The following NAV2 variants were observed in gnomAD, a reference collection of about 807,000 sequenced individuals.
NAV2 encodes the protein neuron navigator 2.
Under a neutral mutation model 223.2 loss-of-function variants are expected in NAV2, and 54 were observed. The ratio of observed to expected loss-of-function variants is 0.24; its 90% confidence interval spans 0.19 to 0.30. NAV2 has a LOEUF of 0.30. NAV2 is among the 10% of genes least tolerant of loss of function. The pLI is 1.00. For synonymous variants in NAV2, 1,279 were observed against 1,239.3 expected (o/e 1.03, Z -0.67); for missense variants, 2,806 against 3,147.5 (o/e 0.89, Z 2.60).
At chr11:19,907,150 G>A (rs564239292) in intron 6 of NAV2, among the ~76,000 whole-genome samples, 3 of 152,262 alleles carry the variant, frequency 2.0e-5, no homozygotes, top group Admixed American at 6.5e-5. Context: ...TGTATATAAG[G>A]TTTGTTGAAT....
intron 3 of NAV2, among the ~76,000 whole-genome samples, chr11:19,862,697 C>G (rs1642479363): frequency 6.6e-6 from 1 of 152,178 alleles, no homozygotes; most frequent in Admixed American, 6.5e-5. Flanking sequence ...CTGTGCATCT[C>G]CAGGACCACA....
intron 26 of NAV2, among the ~76,000 whole-genome samples, chr11:20,087,745 G>C (rs1446507394): frequency 6.6e-6 from 1 of 152,152 alleles, no homozygotes; most frequent in African/African-American, 2.4e-5. Flanking sequence ...ACAGGCTCTA[G>C]AGCTGAGCAG....
chr11:19,876,982 TAAA>T (rs1362331025), intron 4 of NAV2, among the ~76,000 whole-genome samples: 1 of 148,936 alleles, frequency 6.7e-6, no homozygotes, highest in Non-Finnish European at 1.5e-5. Flanking sequence ...TTTATTTAAA[TAAA>T]GAATACTCAA....
chr11:19,474,862 A>C (rs1056444535), intron 1 of NAV2, among the ~76,000 whole-genome samples: 1 of 152,198 alleles, frequency 6.6e-6, no homozygotes, highest in Non-Finnish European at 1.5e-5. Context: ...TCTACACCTC[A>C]GTTTCCCCAT....
intron 19 of NAV2, among the ~76,000 whole-genome samples, chr11:20,061,960 G>A (rs116702780): frequency 2.6e-5 from 4 of 152,158 alleles, no homozygotes; most frequent in South Asian, 2.1e-4. Flanking sequence ...GGTTGCCTCC[G>A]GGCAATGCAA....
chr11:19,652,159 C>A (rs1404736616), intron 1 of NAV2, among the ~76,000 whole-genome samples: 1 of 152,144 alleles, frequency 6.6e-6, no homozygotes, highest in Non-Finnish European at 1.5e-5. Context: ...ACTTGTCCCC[C>A]TACAATCCCA....
intron 11 of NAV2, among the ~76,000 whole-genome samples, chr11:20,001,034 A>G (rs2052490036): frequency 6.6e-6 from 1 of 152,172 alleles, no homozygotes; most frequent in Admixed American, 6.5e-5. Flanking sequence ...ATAAAGTGCA[A>G]GCCTCAGAGA....
intron 3 of NAV2, among the ~76,000 whole-genome samples, chr11:19,844,531 C>A (rs761272896): frequency 2.6e-5 from 4 of 152,182 alleles, no homozygotes; most frequent in Non-Finnish European, 5.9e-5. Flanking sequence ...CTTACAGCAT[C>A]CCAAATCTGA....
chr11:19,525,354 C>A (rs1315153613), intron 1 of NAV2, among the ~76,000 whole-genome samples: 1 of 152,158 alleles, frequency 6.6e-6, no homozygotes, highest in Non-Finnish European at 1.5e-5. Context: ...TGTGCCAATC[C>A]CAAACCACTC....
At chr11:19,430,651 T>A (rs1468782061) in intron 1 of NAV2, among the ~76,000 whole-genome samples, 1 of 152,242 alleles carries the variant, frequency 6.6e-6, no homozygotes, top group Non-Finnish European at 1.5e-5. Flanking sequence ...CCTGCTTCAC[T>A]AACACCAGGG....
At chr11:20,066,788 C>T (rs756728024) in intron 20 of NAV2, among the ~76,000 whole-genome samples, 6 of 152,192 alleles carry the variant, frequency 3.9e-5, no homozygotes, top group South Asian at 4.1e-4. Context: ...GGACACCTAG[C>T]GAGGACCCAA....
At chr11:19,737,757 G>A (rs542123676) in intron 1 of NAV2, among the ~76,000 whole-genome samples, 33 of 152,326 alleles carry the variant, frequency 2.2e-4, no homozygotes, top group Non-Finnish European at 4.3e-4. Flanking sequence ...CATGCATATC[G>A]TGCCCAGTGA....
intron 6 of NAV2, among the ~76,000 whole-genome samples, chr11:19,930,080 C>T (rs2045183065): frequency 6.6e-6 from 1 of 152,104 alleles, no homozygotes; most frequent in Non-Finnish European, 1.5e-5. Flanking sequence ...GAGCTTTATT[C>T]AACTCTGTGT....
At chr11:19,745,765 G>A (rs559671702) in intron 1 of NAV2, among the ~76,000 whole-genome samples, 65 of 152,216 alleles carry the variant, frequency 4.3e-4, no homozygotes, top group Middle Eastern at 3.4e-3. Context: ...TCGGGTTCAC[G>A]CTCCTGTGAG....
At chr11:19,714,078 G>A in intron 1 of NAV2, 116 bp downstream of exon 1, 1 of 1,408,732 alleles carries the variant, frequency 7.1e-7, no homozygotes, top group Non-Finnish European at 9.6e-7. Flanking sequence ...GCCAGGGAAG[G>A]GAACCATTCC....
chr11:19,654,153 A>G (rs1381806130), intron 1 of NAV2, among the ~76,000 whole-genome samples: 1 of 152,236 alleles, frequency 6.6e-6, no homozygotes, highest in African/African-American at 2.4e-5. Flanking sequence ...TGCTTCAAAG[A>G]GAATAAAATA....
chr11:20,067,701 GC>G (rs1309194568), intron 20 of NAV2, among the ~76,000 whole-genome samples: 3 of 150,888 alleles, frequency 2.0e-5, no homozygotes, highest in Admixed American at 6.6e-5. Flanking sequence ...TGTTGGCCAG[GC>G]TGGTCTTCAA....
chr11:19,760,805 G>GA (rs969970098), intron 1 of NAV2, among the ~76,000 whole-genome samples: 21 of 152,062 alleles, frequency 1.4e-4, no homozygotes, highest in African/African-American at 4.4e-4. Flanking sequence ...GCTCTATAGG[G>GA]AAAAGTAGGG....
intron 1 of NAV2, chr11:19,777,360 G>A (rs1227319397): frequency 1.2e-5 from 5 of 405,052 alleles, no homozygotes; most frequent in Non-Finnish European, 2.4e-5. Flanking sequence ...AGGAGACCCG[G>A]GACTGGACGG....
Sources: gnomAD v4.1 joint callset for allele counts (sites outside exome capture counted in the v4.1 genomes callset) on GRCh38, gnomAD v4.1.1 for gene constraint, MANE v1.5 for transcripts, NCBI Gene and HGNC (gene_info 2026-07-23, HGNC 2026-07-21) for gene names.